Variants in ST18 observed in about 807,000 individuals in gnomAD.
The protein encoded by ST18 is ST18 C2H2C-type zinc finger transcription factor, also known as suppression of tumorigenicity 18 protein.
A neutral mutation model predicts 110.0 loss-of-function variants in ST18; 50 were observed. That is an observed-to-expected ratio of 0.45 (90% confidence interval 0.36 to 0.58). The LOEUF is 0.58. ST18 is among the 20% of genes least tolerant of loss of function. The pLI, the probability that ST18 is intolerant of heterozygous loss-of-function variation, is 0.00. For missense variants in ST18, 1,306 were observed against 1,280.1 expected (o/e 1.02, Z -0.31); for synonymous variants, 461 against 452.4 (o/e 1.02, Z -0.24).
chr8:52,379,125 G>T (rs1230798943), intron 2 of ST18, among the ~76,000 whole-genome samples: 72 of 148,782 alleles, frequency 4.8e-4, no homozygotes, highest in Non-Finnish European at 5.5e-4. Flanking sequence ...TTGAGACAGG[G>T]TCTTGCTCTG....
At chr8:52,169,151 G>C (rs1370409406) in intron 10 of ST18, among the ~76,000 whole-genome samples, 1 of 152,168 alleles carries the variant, frequency 6.6e-6, no homozygotes, top group East Asian at 1.9e-4. Flanking sequence ...CTCCTCTGCT[G>C]GGTGAAACAA....
At position 52,172,343 on chromosome 8, in the gene ST18, T is replaced by A; in HGVS notation, c.518A>T (p.Asp173Val). The stretch of plus-strand genomic sequence containing the variant: ...ATCATCAATCTTGTCTCTTCCATCA[T>A]CAGAATGAATCAGAAAGCACTCGTC... ...EADECFLIHS[D>V]DGRDKIDDSQ... The change falls in exon 10 of 26, where the codon GAT becomes GTT. Residue 173 changes from aspartate (D) to valine (V), a missense_variant. Coordinates refer to ENST00000689386, the MANE Select transcript of ST18 (RefSeq NM_001352837.2). 1 of 1,614,168 alleles carries A rather than the reference T, an allele frequency of 6.2e-7. No homozygotes were observed. Among genetic ancestry groups the A allele is most frequent in the Non-Finnish European group, 8.5e-7 (1 of 1,180,032 alleles).
chr8:52,193,556 C>T (rs2075261442), intron 8 of ST18, among the ~76,000 whole-genome samples: 1 of 152,204 alleles, frequency 6.6e-6, no homozygotes, highest in Non-Finnish European at 1.5e-5. Context: ...TCCCGCTTCC[C>T]TCACATCTGA....
rs1482080798 is a variant in ST18 at position 52,393,660 on chromosome 8, A to G, written c.-465+15668T>C. 7 of 152,306 alleles carry G rather than the reference A, an allele frequency of 4.6e-5. No homozygotes were observed. In the East Asian group the frequency reaches 1.4e-3, roughly 29 times the overall value. 9.4% of individuals were successfully genotyped at this position (152,306 alleles called of 1,614,324 possible). ...CACTTTGAGAGGCTGAGGCAGGTGA[A>G]TCACCTGAGGTCAGGATTCTGAGAC... is the stretch of plus-strand genomic sequence containing the variant. On this transcript the variant is annotated intron_variant, in intron 2 of 25. Coordinates refer to ENST00000689386, the MANE Select transcript of ST18 (RefSeq NM_001352837.2).
intron 2 of ST18, among the ~76,000 whole-genome samples, chr8:52,312,717 C>T (rs2095943221): frequency 6.6e-6 from 1 of 152,184 alleles, no homozygotes; most frequent in Non-Finnish European, 1.5e-5. Flanking sequence ...TAGTGCTGCT[C>T]CAGCCCAAAT....
At chr8:52,148,239 T>A (rs1454966008) in intron 16 of ST18, among the ~76,000 whole-genome samples, 1 of 152,250 alleles carries the variant, frequency 6.6e-6, no homozygotes, top group East Asian at 1.9e-4. Context: ...AGTACTATGA[T>A]AGATTGATTA....
At chr8:52,158,366 T>G (rs1235904353) in intron 15 of ST18, among the ~76,000 whole-genome samples, 1 of 152,198 alleles carries the variant, frequency 6.6e-6, no homozygotes, top group African/African-American at 2.4e-5. Flanking sequence ...TGTATTCATG[T>G]TCTACCATGT....
chr8:52,334,965 T>C (rs1433936124), intron 2 of ST18, among the ~76,000 whole-genome samples: 1 of 152,198 alleles, frequency 6.6e-6, no homozygotes, highest in Non-Finnish European at 1.5e-5. Context: ...AAAATGCAAA[T>C]GTTGCCACAA....
intron 8 of ST18, among the ~76,000 whole-genome samples, chr8:52,194,052 C>T (rs866517545): frequency 1.3e-5 from 2 of 151,964 alleles, no homozygotes; most frequent in African/African-American, 2.4e-5. Context: ...TTTTTTTTCC[C>T]GTAAGGCCAA....
intron 2 of ST18, among the ~76,000 whole-genome samples, chr8:52,252,173 A>G (rs1031951777): frequency 6.6e-6 from 1 of 152,084 alleles, no homozygotes; most frequent in Non-Finnish European, 1.5e-5. Flanking sequence ...ATTCATTAAC[A>G]TTGTGAAAGC....
Position 52,111,539 on chromosome 8 carries a change from TG to T in ST18, c.*1658del. On this transcript the variant is annotated 3_prime_UTR_variant, in exon 26 of 26. Transcript: ENST00000689386. ...ATGCATAACAATGACCAAAGTTTCA[TG>T]GGAGTGGAATTACTGTTGAGTATTG... 6.5e-6 allele frequency: 1 copy of T among 152,802 alleles called. No individual in the cohort carries two copies. The highest frequency in any genetic ancestry group is 2.1e-4 in the South Asian group (1 of 4,834). The allele number at this position is 152,802 out of a possible 1,614,324, so 9.5% of individuals were successfully genotyped here.
intron 2 of ST18, among the ~76,000 whole-genome samples, chr8:52,380,351 C>T (rs139498466): frequency 6.6e-5 from 10 of 152,112 alleles, no homozygotes; most frequent in Non-Finnish European, 8.8e-5. Flanking sequence ...ATAATGCACA[C>T]GAAAATATGT....
At chr8:52,202,403 A>T (rs1445317435) in intron 8 of ST18, among the ~76,000 whole-genome samples, 1 of 152,208 alleles carries the variant, frequency 6.6e-6, no homozygotes, top group Non-Finnish European at 1.5e-5. Flanking sequence ...AGGCAGAATT[A>T]TATATGATAA....
At chr8:52,322,277 T>C (rs1018298214) in intron 2 of ST18, among the ~76,000 whole-genome samples, 1 of 152,226 alleles carries the variant, frequency 6.6e-6, no homozygotes, top group African/African-American at 2.4e-5. Flanking sequence ...GCTGGCTGTC[T>C]TGTGAGATAG....
chr8:52,366,800 A>G (rs1174636561), intron 2 of ST18, among the ~76,000 whole-genome samples: 1 of 152,214 alleles, frequency 6.6e-6, no homozygotes, highest in African/African-American at 2.4e-5. Context: ...TCAGTTTACC[A>G]TTGTAATGTA....
chr8:52,330,357 C>T (rs1354832240), intron 2 of ST18, among the ~76,000 whole-genome samples: 1 of 152,196 alleles, frequency 6.6e-6, no homozygotes, highest in Non-Finnish European at 1.5e-5. Context: ...AGGAAATCCC[C>T]TGCCAGTCCC....
At position 52,118,400 on chromosome 8, in the gene ST18, T is replaced by C; in HGVS notation, c.2797A>G (p.Ile933Val). 1 of 1,612,162 alleles carries C rather than the reference T, an allele frequency of 6.2e-7. No individual in the cohort carries two copies. The highest frequency in any genetic ancestry group is 8.5e-7 in the Non-Finnish European group (1 of 1,179,282). Residue 933 changes from isoleucine to valine, a missense_variant, in exon 24 of 26, where the codon ATA (isoleucine) becomes GTA (valine). Transcript: ENST00000689386. ...AGGTTGGATTCATTCAGTTCCTTTATTTCTTCATCCAAATGCCTAATTTCT... is the reference window on the plus strand; with the variant it reads ...AGGTTGGATTCATTCAGTTCCTTTACTTCTTCATCCAAATGCCTAATTTCT... Reference protein sequence around the residue: ...DEEIRHLDEEIKELNESNLKI... With the variant: ...DEEIRHLDEEVKELNESNLKI...
At chr8:52,311,155 G>T (rs571358788) in intron 2 of ST18, among the ~76,000 whole-genome samples, 95 of 152,328 alleles carry the variant, frequency 6.2e-4, no homozygotes, top group African/African-American at 2.2e-3. Context: ...TCCTGGACAT[G>T]TTCTGTTTGA....
chr8:52,113,433 C>T (rs2041172167), intron 25 of ST18, 95 bp from the exon 26 acceptor site: 3 of 1,492,328 alleles, frequency 2.0e-6, no homozygotes, highest in East Asian at 2.3e-5. Context: ...ATCCGGGAGT[C>T]GGGAGGGAAG....
Sources: allele counts gnomAD v4.1 joint callset (sites outside exome capture counted in the v4.1 genomes callset), GRCh38; gene constraint gnomAD v4.1.1; transcripts MANE v1.5; gene names NCBI Gene and HGNC (gene_info 2026-07-23, HGNC 2026-07-21).